Variants in MCC observed in about 807,000 individuals in gnomAD.
MCC encodes colorectal mutant cancer protein.
Under a neutral mutation model 116.2 loss-of-function variants are expected in MCC, and 90 were observed. That is an observed-to-expected ratio of 0.77 (90% confidence interval 0.65 to 0.92). The LOEUF (loss-of-function observed/expected upper bound fraction) is 0.92, where lower values mean the gene tolerates loss of function less well. MCC is among the 40% of genes least tolerant of loss of function. The pLI is 0.00. For synonymous variants in MCC, 578 were observed against 510.5 expected (o/e 1.13, Z -1.78); for missense variants, 1,516 against 1,312.2 (o/e 1.16, Z -2.40).
chr5:113,297,328 C>G (rs1443981257), intron 3 of MCC, among the ~76,000 whole-genome samples: 1 of 152,060 alleles, frequency 6.6e-6, no homozygotes, highest in Non-Finnish European at 1.5e-5. Flanking sequence ...CATGGTAAAA[C>G]CCTGTCTCTA....
intron 3 of MCC, among the ~76,000 whole-genome samples, chr5:113,190,628 C>CAA (rs1762110686): frequency 6.6e-6 from 1 of 152,094 alleles, no homozygotes; most frequent in African/African-American, 2.4e-5. Context: ...AAAACAACTA[C>CAA]AAAACTTAGA....
intron 12 of MCC, among the ~76,000 whole-genome samples, chr5:113,070,884 T>C (rs1202917554): frequency 6.6e-6 from 1 of 152,202 alleles, no homozygotes; most frequent in African/African-American, 2.4e-5. Flanking sequence ...AATGAAATGA[T>C]ATTTAAGATG....
chr5:113,077,791 AG>A (rs1175396866), intron 11 of MCC, among the ~76,000 whole-genome samples: 1 of 152,194 alleles, frequency 6.6e-6, no homozygotes, highest in Admixed American at 6.5e-5. Context: ...GCAGAAGGCA[AG>A]AAAAAACTAA....
chr5:113,161,778 G>C (rs1275789095), intron 3 of MCC, among the ~76,000 whole-genome samples: 2 of 152,112 alleles, frequency 1.3e-5, no homozygotes, highest in East Asian at 3.9e-4. Flanking sequence ...AAGTGTAAGA[G>C]TTATCCAAGA....
chr5:113,068,028 G>T, intron 13 of MCC, 52 bp downstream of exon 13: 1 of 1,478,840 alleles, frequency 6.8e-7, no homozygotes, highest in Non-Finnish European at 9.5e-7. Flanking sequence ...AGGGGCAGAA[G>T]CAAAGGAGGC....
chr5:113,440,440 T>C (rs747405530), intron 1 of MCC, among the ~76,000 whole-genome samples: 1 of 152,136 alleles, frequency 6.6e-6, no homozygotes, highest in Non-Finnish European at 1.5e-5. Context: ...CACCACTCTA[T>C]AGTGTATTTC....
At chr5:113,329,214 C>T (rs1310189848) in intron 3 of MCC, among the ~76,000 whole-genome samples, 1 of 152,102 alleles carries the variant, frequency 6.6e-6, no homozygotes, top group African/African-American at 2.4e-5. Context: ...ATTAGCAACA[C>T]CAAAAGAAAT....
intron 5 of MCC, among the ~76,000 whole-genome samples, chr5:113,141,139 A>G (rs1288010889): frequency 6.6e-6 from 1 of 152,166 alleles, no homozygotes; most frequent in Non-Finnish European, 1.5e-5. Context: ...CTGGAGGTAG[A>G]ATACTTTTCT....
intron 1 of MCC, among the ~76,000 whole-genome samples, chr5:113,452,366 G>A (rs1771426811): frequency 1.3e-5 from 2 of 152,352 alleles, no homozygotes; most frequent in South Asian, 4.1e-4. Flanking sequence ...AATCACCAAT[G>A]TGATGGTATT....
At chr5:113,115,892 C>G (rs543675046) in intron 6 of MCC, among the ~76,000 whole-genome samples, 1 of 152,266 alleles carries the variant, frequency 6.6e-6, no homozygotes, top group African/African-American at 2.4e-5. Context: ...CAAGAAAAGA[C>G]TTAATCATTC....
intron 11 of MCC, among the ~76,000 whole-genome samples, chr5:113,076,456 G>C (rs1242191708): frequency 2.0e-5 from 3 of 152,188 alleles, no homozygotes; most frequent in Non-Finnish European, 4.4e-5. Context: ...AGTAGTAGCT[G>C]ATTTCTTGGG....
chr5:113,127,756 G>A (rs780266323), intron 5 of MCC, among the ~76,000 whole-genome samples: 15 of 152,230 alleles, frequency 9.9e-5, no homozygotes, highest in Non-Finnish European at 1.5e-4. Flanking sequence ...TTTGTTTGAT[G>A]CATAGTTTGC....
At chr5:113,212,606 C>G (rs1763173482) in intron 3 of MCC, among the ~76,000 whole-genome samples, 1 of 152,182 alleles carries the variant, frequency 6.6e-6, no homozygotes, top group Non-Finnish European at 1.5e-5. Flanking sequence ...ATATTGTGTT[C>G]AAACACAAAA....
intron 2 of MCC, among the ~76,000 whole-genome samples, chr5:113,361,223 A>G (rs1768539186): frequency 6.8e-6 from 1 of 147,352 alleles, no homozygotes; most frequent in Admixed American, 6.7e-5. Flanking sequence ...TTTACTTAAC[A>G]TTCTTGCCAG....
chr5:113,194,120 T>C (rs914574104), intron 3 of MCC, among the ~76,000 whole-genome samples: 4 of 152,130 alleles, frequency 2.6e-5, no homozygotes, highest in African/African-American at 9.7e-5. Flanking sequence ...TAAAGTAACA[T>C]AAACATCATC....
In MCC at chr5:113,037,408, C is replaced by T. The variant is rs184707603; in HGVS notation, c.2756+6122G>A. Among the ~76,000 whole-genome samples the T allele has an allele frequency of 3.9e-5, 6 of 152,256 alleles. No homozygotes were observed. The East Asian group carries it at 1.2e-3, about 29-fold the overall frequency. ...GGGCCACTGATGGGTAAAGAGTAGT[C>T]AGGGCCGGGCACAGTGGCTCATGCC... On this transcript the variant is annotated intron_variant, in intron 17 of 18. Transcript: ENST00000408903.
chr5:113,151,891 GGCACTGA>G (rs1323019005), intron 3 of MCC, among the ~76,000 whole-genome samples: 1 of 147,798 alleles, frequency 6.8e-6, no homozygotes, highest in Non-Finnish European at 1.5e-5. Flanking sequence ...CAGGCAGACA[GGCACTGA>G]GCATTAAGGG....
chr5:113,453,603 G>A (rs533546589), intron 1 of MCC, among the ~76,000 whole-genome samples: 1 of 152,286 alleles, frequency 6.6e-6, no homozygotes, highest in Non-Finnish European at 1.5e-5. Context: ...AGGCATGCCT[G>A]CTTTCTAAGA....
intron 3 of MCC, among the ~76,000 whole-genome samples, chr5:113,166,725 A>C (rs1760793781): frequency 6.8e-6 from 1 of 147,712 alleles, no homozygotes. Flanking sequence ...AAAAAAAACA[A>C]CCAAAAAACC....
Sources: gnomAD v4.1 joint callset for allele counts (sites outside exome capture counted in the v4.1 genomes callset) on GRCh38, gnomAD v4.1.1 for gene constraint, MANE v1.5 for transcripts, NCBI Gene and HGNC (gene_info 2026-07-23, HGNC 2026-07-21) for gene names.